The following BMS1 variants were observed in gnomAD, a reference collection of about 807,000 sequenced individuals.
BMS1 encodes BMS1 ribosome biogenesis factor.
BMS1 carries 53 observed loss-of-function variants against 138.7 expected under a neutral mutation model. The ratio of observed to expected loss-of-function variants is 0.38; its 90% CI spans 0.31 to 0.48. The LOEUF is 0.48. Among genes scored for constraint, BMS1 ranks in the 20% least tolerant of loss-of-function variants. The pLI, the probability that BMS1 is intolerant of heterozygous loss-of-function variation, is 0.97. For missense variants in BMS1, 1,360 were observed against 1,565.5 expected (o/e 0.87, Z 2.22); for synonymous variants, 504 against 539.9 (o/e 0.93, Z 0.92).
intron 13 of BMS1, among the ~76,000 whole-genome samples, chr10:42,805,019 A>C (rs1346021239): frequency 6.6e-6 from 1 of 152,164 alleles, no homozygotes; most frequent in African/African-American, 2.4e-5. Context: ...TGCCCTGCCC[A>C]AAATTTTCTC....
intron 4 of BMS1, 59 bp from the exon 5 acceptor site, chr10:42,790,264 C>T (rs1841459942): frequency 3.8e-6 from 6 of 1,580,852 alleles, no homozygotes; most frequent in Non-Finnish European, 4.3e-6. Context: ...GTTGCCAACC[C>T]TTAGTGTAGG....
chr10:42,822,818 G>A (rs540609514), intron 19 of BMS1, among the ~76,000 whole-genome samples: 4 of 152,308 alleles, frequency 2.6e-5, no homozygotes, highest in African/African-American at 9.6e-5. Flanking sequence ...TCTGAGAGAT[G>A]CCAGGAAAGG....
Position 42,797,176 on chromosome 10 carries a change from A to C in BMS1, c.1932A>C (p.Leu644Phe). ...FIDETSDIEN[L>F]LKEEEDYKEE... ...ATGAGACCAGTGATATAGAAAATTT[A>C]CTCAAAGAGGAAGAAGATTACAAGG... Residue 644 changes from leucine (L) to phenylalanine (F), a missense_variant, in exon 10 of 23, where the codon TTA (leucine) becomes TTC (phenylalanine). By Grantham distance (22) the Leu-to-Phe change is conservative. Around this residue, in one of 3 missense-constraint regions of BMS1, gnomAD observed 697 missense variants for 686.2 expected, o/e 1.02. Transcript: ENST00000374518. The C allele has an allele frequency of 3.7e-6, 6 of 1,612,504 alleles. No individual in the cohort carries two copies. Among genetic ancestry groups the C allele is most frequent in the Non-Finnish European group, 5.1e-6 (6 of 1,179,532 alleles).
rs113925789 is a variant in BMS1 at position 42,831,925 on chromosome 10, ATATAGT to A, written c.*833_*838del. The A allele has an allele frequency of 3.9e-5, 6 of 152,144 alleles. No individual in the cohort carries two copies. The highest frequency in any genetic ancestry group is 7.4e-5 in the Non-Finnish European group (5 of 68,024). The allele number at this position is 152,144 out of a possible 1,614,324, so 9.4% of individuals were successfully genotyped here. On this transcript the variant is annotated 3_prime_UTR_variant, in exon 23 of 23. Coordinates refer to ENST00000374518, the MANE Select transcript of BMS1 (RefSeq NM_014753.4). ...GTATGTATTTTATGATTGTATGTTG[ATATAGT>A]TATGGGGAATCTATTCCTATACGAT...
chr10:42,817,447 A>G lies in BMS1; in HGVS notation c.2533A>G (p.Ser845Gly). 5.0e-6 allele frequency: 8 copies of G among 1,606,988 alleles called. No individual in the cohort carries two copies. The highest frequency in any genetic ancestry group is 5.9e-6 in the Non-Finnish European group (7 of 1,178,834). The stretch of plus-strand genomic sequence containing the variant: ...TGATGCAGAATATGATGAAGGAGAA[A>G]GCACATATTTTGATGATCTTAAAGG... Reference protein sequence around the residue: ...MFDAEYDEGESTYFDDLKGEM... With the variant: ...MFDAEYDEGEGTYFDDLKGEM... The change falls in exon 15 of 23, where the codon AGC becomes GGC. Residue 845 changes from serine (S) to glycine (G), a missense_variant. Transcript: ENST00000374518.
At position 42,788,232 on chromosome 10, in the gene BMS1, A is replaced by T. The variant is rs115011268; in HGVS notation, c.447+985A>T. 7.6e-3 allele frequency among the ~76,000 whole-genome samples: 1,156 copies of T among 152,344 alleles called. 11 individuals carry two copies. The highest frequency in any genetic ancestry group is 0.025 in the African/African-American group (1,059 of 41,590). ...TTATTAACGTAGTGTAAGCTTACTA[A>T]ATCTTGTATACTTGAAATGATTGAA... On this transcript the variant is annotated intron_variant, in intron 4 of 22. Coordinates refer to ENST00000374518, the MANE Select transcript of BMS1 (RefSeq NM_014753.4).
At chr10:42,804,334 C>A (rs1323434420) in intron 13 of BMS1, among the ~76,000 whole-genome samples, 2 of 152,164 alleles carry the variant, frequency 1.3e-5, no homozygotes, top group African/African-American at 4.8e-5. Context: ...AGTGTTTATA[C>A]CATTTTCCAT....
In BMS1 at chr10:42,830,900, A is replaced by T. The variant is rs181709983; in HGVS notation, c.3653A>T (p.His1218Leu). ...CTGCTGGATGCTCTGAGTACGGTGC[A>T]TAGTCAGAAGATGAAGAAGGCCAAG... is the stretch of plus-strand genomic sequence containing the variant. The part of the protein sequence containing the change: ...LALLDALSTV[H>L]SQKMKKAKEQ... Residue 1218 changes from histidine (H) to leucine (L), a missense_variant, in exon 23 of 23, where the codon CAT becomes CTT. His to Leu is a moderately conservative substitution (Grantham distance 99). Transcript: ENST00000374518. The T allele has an allele frequency of 1.2e-6, 2 of 1,612,372 alleles. No individual in the cohort carries two copies. The highest frequency in any genetic ancestry group is 4.5e-5 in the East Asian group (2 of 44,852).
At chr10:42,804,871 C>G (rs1589144830) in intron 13 of BMS1, among the ~76,000 whole-genome samples, 1 of 152,020 alleles carries the variant, frequency 6.6e-6, no homozygotes, top group African/African-American at 2.4e-5. Flanking sequence ...GCGCCCGCCA[C>G]CACGCCTGCC....
intron 21 of BMS1, among the ~76,000 whole-genome samples, chr10:42,825,948 C>A (rs539468050): frequency 3.3e-5 from 5 of 152,304 alleles, no homozygotes; most frequent in Admixed American, 3.3e-4. Context: ...TCCTTCTATA[C>A]ATAAACTGTT....
At chr10:42,807,040 TGTGTGTGTGTGTTTTAC>T (rs2132342502) in intron 13 of BMS1, among the ~76,000 whole-genome samples, 1 of 152,270 alleles carries the variant, frequency 6.6e-6, no homozygotes, top group East Asian at 1.9e-4. Flanking sequence ...CACTTATGTG[TGTGTGTGTGTGTTTTAC>T]GTGTGTGTGT....
At position 42,798,548 on chromosome 10, in the gene BMS1, G is replaced by A; in HGVS notation, c.2170G>A (p.Glu724Lys). 1 of 1,614,268 alleles carries A rather than the reference G, an allele frequency of 6.2e-7. No homozygotes were observed. The highest frequency in any genetic ancestry group is 8.5e-7 in the Non-Finnish European group (1 of 1,180,046). ...GLFRVNQPDRECKHKADSLDC... is the reference protein window; with the variant it reads ...GLFRVNQPDRKCKHKADSLDC... The stretch of plus-strand genomic sequence containing the variant: ...GTTTCGTGTCAACCAGCCTGACAGA[G>A]AGTGTAAGCACAAGGCTGACTCTTT... The change falls in exon 12 of 23, where the codon GAG becomes AAG. Residue 724 changes from glutamate (E) to lysine (K), a missense_variant. By Grantham distance (56) the Glu-to-Lys change is moderately conservative (BLOSUM62 1). Coordinates refer to ENST00000374518, the MANE Select transcript of BMS1 (RefSeq NM_014753.4).
intron 21 of BMS1, among the ~76,000 whole-genome samples, chr10:42,824,959 C>A (rs1481706997): frequency 6.6e-6 from 1 of 152,128 alleles, no homozygotes; most frequent in African/African-American, 2.4e-5. Context: ...AATCTCTTGG[C>A]TGTTTGGGGT....
Position 42,784,432 on chromosome 10 carries a change from A to G in BMS1, c.38A>G (p.Asn13Ser), listed in dbSNP as rs1230353540. ...GACCAGAAGAAACACAGAAAGAAAA[A>G]CAGTGGACCCAAAGCTGCAAAGAAA... ...AKDQKKHRKKNSGPKAAKKKK... is the reference protein window; with the variant it reads ...AKDQKKHRKKSSGPKAAKKKK... Residue 13 changes from asparagine to serine, a missense_variant, in exon 2 of 23, where the codon AAC (asparagine) becomes AGC (serine). By Grantham distance (46) the Asn-to-Ser change is conservative. Coordinates refer to ENST00000374518, the MANE Select transcript of BMS1 (RefSeq NM_014753.4). 1 of 1,612,224 alleles carries G rather than the reference A, an allele frequency of 6.2e-7. No individual in the cohort carries two copies. Among genetic ancestry groups the G allele is most frequent in the South Asian group, 1.1e-5 (1 of 90,998 alleles).
intron 21 of BMS1, among the ~76,000 whole-genome samples, chr10:42,828,272 C>T (rs530904527): frequency 6.6e-6 from 1 of 152,358 alleles, no homozygotes; most frequent in South Asian, 2.1e-4. Context: ...CATCCATGTT[C>T]TTGTCTATGG....
At chr10:42,823,498 C>T (rs61844828) in intron 20 of BMS1, 111 bp from the exon 21 acceptor site, 97,518 of 1,206,242 alleles carry the variant, frequency 0.081, 4,568 homozygotes, top group Non-Finnish European at 0.092. Flanking sequence ...CCTTCAAATA[C>T]TTTGCAGCCA....
intron 1 of BMS1, 120 bp from the exon 2 acceptor site, chr10:42,784,242 A>G (rs1250525426): frequency 5.8e-6 from 4 of 691,486 alleles, no homozygotes; most frequent in African/African-American, 1.8e-5. Flanking sequence ...ACCCTTGTTC[A>G]GTGAACAAAT....
At position 42,796,549 on chromosome 10, in the gene BMS1, T is replaced by A. The variant is rs377216128; in HGVS notation, c.1305T>A (p.Asp435Glu). The change falls in exon 10 of 23, where the codon GAT becomes GAA. Residue 435 changes from aspartate to glutamate, a missense_variant. Physicochemically the swap from Asp to Glu is conservative, Grantham distance 45 (BLOSUM62 2). Around this residue, in one of 3 missense-constraint regions of BMS1, gnomAD observed 697 missense variants for 686.2 expected, o/e 1.02. Transcript: ENST00000374518. ...TGCGTCGGAAAGCCATTTTCGGAGA[T>A]GAAGATGAATCTGGAGATAGTGATG... ...GRMRRKAIFG[D>E]EDESGDSDDE... 6.2e-7 allele frequency: 1 copy of A among 1,614,032 alleles called. No homozygotes were observed. Among genetic ancestry groups the A allele is most frequent in the Non-Finnish European group, 8.5e-7 (1 of 1,180,044 alleles).
chr10:42,806,289 C>T (rs1319217748), intron 13 of BMS1, among the ~76,000 whole-genome samples: 1 of 152,124 alleles, frequency 6.6e-6, no homozygotes, highest in Non-Finnish European at 1.5e-5. Context: ...TGAGATAGAT[C>T]CCAGTGGTTT....
Sources: allele counts gnomAD v4.1 joint callset (sites outside exome capture counted in the v4.1 genomes callset), GRCh38; gene constraint gnomAD v4.1.1; regional missense constraint gnomAD v4.1.1; transcripts MANE v1.5; gene names NCBI Gene and HGNC (gene_info 2026-07-23, HGNC 2026-07-21).